Variants in TCIRG1 observed in about 807,000 individuals in gnomAD.
TCIRG1 encodes the protein V-type proton ATPase 116 kDa subunit a 3.
TCIRG1 carries 86 observed loss-of-function variants against 95.5 expected under a neutral mutation model. That is an observed-to-expected ratio of 0.90 (90% CI 0.76 to 1.08). The LOEUF (loss-of-function observed/expected upper bound fraction) is 1.08. TCIRG1 is among the 50% of genes least tolerant of loss of function. The pLI, the probability that TCIRG1 is intolerant of heterozygous loss-of-function variation, is 0.00. For missense variants in TCIRG1, 1,069 were observed against 1,140.2 expected, an observed-to-expected ratio of 0.94 and a Z score of 0.90; for synonymous variants, 499 against 501.3, an observed-to-expected ratio of 1.00 and a Z score of 0.06.
At position 68,047,782 on chromosome 11, in the gene TCIRG1, A is replaced by G; in HGVS notation, c.1441A>G (p.Met481Val). ...CCCCTCGGGCTGGAGTGTGGCCGCC[A>G]TGGCCAACCAGTCTGGCTGGAGGTG... is the stretch of plus-strand genomic sequence containing the variant. ...IFPSGWSVAA[M>V]ANQSGWSDAF... Residue 481 changes from methionine to valine, a missense_variant, in exon 12 of 20, where the codon ATG (methionine) becomes GTG (valine). Transcript: ENST00000265686. The G allele has an allele frequency of 6.2e-7, 1 of 1,612,998 alleles. No individual in the cohort carries two copies. Among genetic ancestry groups the G allele is most frequent in the Non-Finnish European group, 8.5e-7 (1 of 1,179,858 alleles).
chr11:68,045,944 A>G lies in TCIRG1; in HGVS notation c.1165+842A>G, dbSNP rs529362836. ...ATGGGCCGGGCCCCCACTCAGTGTC[A>G]CTGGGGGCACTGGGGGGTTTGCTGC... On this transcript the variant is annotated intron_variant, in intron 10 of 19. Coordinates refer to ENST00000265686, the MANE Select transcript of TCIRG1 (RefSeq NM_006019.4). 3.5e-3 allele frequency among the ~76,000 whole-genome samples: 538 copies of G among 152,198 alleles called. 2 individuals are homozygous for G. Among genetic ancestry groups the G allele is most frequent in the Non-Finnish European group, 5.8e-3 (395 of 68,010 alleles).
chr11:68,043,085 G>T, intron 5 of TCIRG1, 54 bp downstream of exon 5: 7 of 1,548,670 alleles, frequency 4.5e-6, no homozygotes, highest in Non-Finnish European at 6.1e-6. Flanking sequence ...CCCCTGGCCA[G>T]TCGCTGGGCT....
rs375348720 is a variant in TCIRG1, at chr11:68,042,688, C to T, written c.242C>T (p.Pro81Leu). The T allele has an allele frequency of 1.7e-5, 27 of 1,546,244 alleles. No homozygotes were observed. Among genetic ancestry groups the T allele is most frequent in the South Asian group, 4.8e-5 (4 of 83,826 alleles). ...CGGCGGGCTGGGCTGGTCCTGCCCC[C>T]GCCAAAGGGGAGGCTGCCGGCACCC... ...EVRRAGLVLP[P>L]PKGRLPAPPP... The change falls in exon 4 of 20, where the codon CCG becomes CTG. Residue 81 changes from proline to leucine, a missense_variant. Physicochemically the swap from Pro to Leu is moderately conservative, Grantham distance 98. Transcript: ENST00000265686.
downstream of TCIRG1, among the ~76,000 whole-genome samples, chr11:68,051,298 G>A (rs979040812): frequency 3.9e-5 from 6 of 152,182 alleles, no homozygotes; most frequent in Admixed American, 1.3e-4. Context: ...GGTGTCACAC[G>A]CCCAAGGCCA....
chr11:68,042,894 G>T, intron 4 of TCIRG1, 31 bp downstream of exon 4: 1 of 1,550,160 alleles, frequency 6.5e-7, no homozygotes, highest in Non-Finnish European at 8.7e-7. Flanking sequence ...GAGACTGGGG[G>T]GCTGGGGAGG....
rs1187945409 is a variant in TCIRG1 at position 68,050,895 on chromosome 11, A to C, written c.*76A>C. 2.7e-6 allele frequency: 4 copies of C among 1,507,800 alleles called. No homozygotes were observed. The highest frequency in any genetic ancestry group is 1.4e-5 in the African/African-American group (1 of 72,952). 93.4% of individuals were successfully genotyped at this position (1,507,800 alleles called of 1,614,324 possible). A position where few individuals can be genotyped will look rare whatever the true frequency, so the allele number is the denominator to read the frequency against. ...AGGAATAAAGACGGTCCGCCCTGGCAGTGATGTCTCGTCTCTCTTCCCTCC... is the reference window on the plus strand; with the variant it reads ...AGGAATAAAGACGGTCCGCCCTGGCCGTGATGTCTCGTCTCTCTTCCCTCC... On this transcript the variant is annotated 3_prime_UTR_variant, in exon 20 of 20. Transcript: ENST00000265686.
intron 10 of TCIRG1, among the ~76,000 whole-genome samples, 164 bp downstream of exon 10, chr11:68,045,266 A>G (rs182649175): frequency 1.0e-3 from 154 of 152,350 alleles, no homozygotes; most frequent in African/African-American, 3.5e-3. Context: ...CTCTGCAGCC[A>G]GTGTGAGGCT....
intron 3 of TCIRG1, 47 bp from the exon 4 acceptor site, chr11:68,042,596 G>A (rs1230515371): frequency 6.7e-7 from 1 of 1,483,610 alleles, no homozygotes; most frequent in South Asian, 1.2e-5. Context: ...GCCCTCAACT[G>A]TTGAGACAAC....
At position 68,047,893 on chromosome 11, in the gene TCIRG1, T is replaced by C; in HGVS notation, c.1475T>C (p.Leu492Pro). The C allele has an allele frequency of 6.2e-7, 1 of 1,613,690 alleles. No homozygotes were observed. The highest frequency in any genetic ancestry group is 8.5e-7 in the Non-Finnish European group (1 of 1,179,990). The change falls in exon 13 of 20, where the codon CTG (leucine) becomes CCG (proline). Residue 492 changes from leucine (L) to proline (P), a missense_variant. Physicochemically the swap from Leu to Pro is moderately conservative, Grantham distance 98. Coordinates refer to ENST00000265686, the MANE Select transcript of TCIRG1 (RefSeq NM_006019.4). ...CTGCGTTGCCGCAGTGATGCATTCC[T>C]GGCCCAGCACACGATGCTTACCCTG... is the stretch of plus-strand genomic sequence containing the variant. ...ANQSGWSDAF[L>P]AQHTMLTLDP...
In TCIRG1 at chr11:68,049,792, G is replaced by A; in HGVS notation, c.2013+4G>A. On this transcript the variant is annotated splice_donor_region_variant and intron_variant, in intron 16 of 19. Coordinates refer to ENST00000265686, the MANE Select transcript of TCIRG1 (RefSeq NM_006019.4). ...GAGGAGGCCCGCTGACCGACAGGTG[G>A]GACCGGGGCCTAAGGTGTGGGGGGC... 2.6e-6 allele frequency: 4 copies of A among 1,567,980 alleles called. No individual in the cohort carries two copies. Among genetic ancestry groups the A allele is most frequent in the Non-Finnish European group, 3.4e-6 (4 of 1,164,078 alleles).
intron 13 of TCIRG1, chr11:68,048,270 C>G (rs1030540293): frequency 4.5e-5 from 24 of 536,148 alleles, no homozygotes; most frequent in African/African-American, 4.0e-4. Flanking sequence ...TGTTCCCAAC[C>G]CTCTGTGGAA....
chr11:68,049,811 G>A (rs768654626), intron 16 of TCIRG1, 23 bp downstream of exon 16: 26 of 1,562,444 alleles, frequency 1.7e-5, no homozygotes, highest in Admixed American at 9.5e-5. Flanking sequence ...CCTAAGGTGT[G>A]GGGGGCTGCT....
In TCIRG1 at chr11:68,044,314, C is replaced by T. The variant is rs772355396; in HGVS notation, c.990C>T (p.Pro330=). 1.5e-5 allele frequency: 24 copies of T among 1,598,714 alleles called. No individual in the cohort carries two copies. Among genetic ancestry groups the T allele is most frequent in the East Asian group, 2.3e-5 (1 of 44,246 alleles). ...CCTGGTGCTCTGTGCGAGACCTGCC[C>T]GCCCTGCAGGAGGCCCTGCGGGACA... ...AEAWCSVRDL[P]ALQEALRDSS... The change falls in exon 9 of 20, where the codon CCC becomes CCT. Residue 330 remains proline, a synonymous_variant. Coordinates refer to ENST00000265686, the MANE Select transcript of TCIRG1 (RefSeq NM_006019.4).
chr11:68,042,890 G>T (rs965081160), intron 4 of TCIRG1, 27 bp downstream of exon 4: 8 of 1,549,480 alleles, frequency 5.2e-6, no homozygotes, highest in Non-Finnish European at 7.0e-6. Context: ...GCAGGAGACT[G>T]GGGGGCTGGG....
chr11:68,049,929 G>T, intron 16 of TCIRG1, 33 bp from the exon 17 acceptor site: 1 of 1,588,090 alleles, frequency 6.3e-7, no homozygotes, highest in South Asian at 1.1e-5. Flanking sequence ...CCTGGGGCTG[G>T]AGTGCTGCCA....
At position 68,042,708 on chromosome 11, in the gene TCIRG1, G is replaced by C; in HGVS notation, c.262G>C (p.Ala88Pro). ...GCCCCCGCCAAAGGGGAGGCTGCCG[G>C]CACCCCCACCCCGGGACCTGCTGCG... is the stretch of plus-strand genomic sequence containing the variant. ...VLPPPKGRLPAPPPRDLLRIQ... is the reference protein window; with the variant it reads ...VLPPPKGRLPPPPPRDLLRIQ... The change falls in exon 4 of 20, where the codon GCA becomes CCA. Residue 88 changes from alanine (A) to proline (P), a missense_variant. Physicochemically the swap from Ala to Pro is conservative, Grantham distance 27. Transcript: ENST00000265686. The C allele has an allele frequency of 6.5e-7, 1 of 1,546,034 alleles. No individual in the cohort carries two copies. Among genetic ancestry groups the C allele is most frequent in the Non-Finnish European group, 8.7e-7 (1 of 1,145,742 alleles).
In TCIRG1 at chr11:68,044,332, G is replaced by C. The variant is rs1855355611; in HGVS notation, c.1008G>C (p.Leu336=). 2 of 1,588,750 alleles carry C rather than the reference G, an allele frequency of 1.3e-6. No homozygotes were observed. Among genetic ancestry groups the C allele is most frequent in the East Asian group, 4.5e-5 (2 of 43,964 alleles). Reference sequence around the variant, plus strand: ...ACCTGCCCGCCCTGCAGGAGGCCCTGCGGGACAGCTCGGTGAGCAGCCTGA... The same window carrying C: ...ACCTGCCCGCCCTGCAGGAGGCCCTCCGGGACAGCTCGGTGAGCAGCCTGA... ...VRDLPALQEA[L]RDSSMEEGVS... is the part of the protein sequence containing the mutation. The change falls in exon 9 of 20, where the codon CTG becomes CTC. Residue 336 remains leucine, a synonymous_variant. Transcript: ENST00000265686.
intron 3 of TCIRG1, among the ~76,000 whole-genome samples, chr11:68,042,281 A>T (rs930898870): frequency 6.6e-6 from 1 of 152,158 alleles, no homozygotes; most frequent in Non-Finnish European, 1.5e-5. Flanking sequence ...GCACCAAGGC[A>T]GGGGCATGGG....
intron 12 of TCIRG1, 32 bp downstream of exon 12, chr11:68,047,836 C>T (rs752792446): frequency 2.4e-5 from 39 of 1,612,402 alleles, no homozygotes; most frequent in Non-Finnish European, 3.3e-5. Flanking sequence ...GGCTGGGGGC[C>T]CCGCAGCACC....
Sources: allele counts gnomAD v4.1 joint callset (sites outside exome capture counted in the v4.1 genomes callset), GRCh38; gene constraint gnomAD v4.1.1; transcripts MANE v1.5; gene names NCBI Gene and HGNC (gene_info 2026-07-23, HGNC 2026-07-21).